Variants in BRF1 observed in about 807,000 individuals in gnomAD.
BRF1 encodes the protein transcription factor IIIB 90 kDa subunit.
BRF1 carries 59 observed loss-of-function variants against 81.7 expected under a neutral mutation model. The ratio of observed to expected loss-of-function variants is 0.72; its 90% CI spans 0.59 to 0.90. The LOEUF is 0.90. Among genes scored for constraint, BRF1 ranks in the 40% least tolerant of loss-of-function variants. The pLI is 0.00. For synonymous variants in BRF1, 491 were observed against 395.6 expected (o/e 1.24, Z -2.86); for missense variants, 1,050 against 936.3 (o/e 1.12, Z -1.58).
At chr14:105,249,659 A>C (rs2140289519) in intron 5 of BRF1, 3 of 1,612,490 alleles carry the variant, frequency 1.9e-6, no homozygotes, top group Admixed American at 3.3e-5. Flanking sequence ...CAGTGATGAG[A>C]TCGATCTGGA....
rs587749065 is a variant in BRF1, at chr14:105,226,410, T to C, written c.916-120A>G. 582 of 1,481,482 alleles carry C rather than the reference T, an allele frequency of 3.9e-4. 4 individuals are homozygous for C. In the African/African-American group the frequency reaches 7.7e-3, roughly 20 times the overall value. 91.8% of individuals were successfully genotyped at this position (1,481,482 alleles called of 1,614,324 possible). Reference sequence around the variant, plus strand: ...GCTAGAACTTAGGGGTACGCAGCGATGGAGGTGGAGCTATGGGCCTGTGTC... The same window carrying C: ...GCTAGAACTTAGGGGTACGCAGCGACGGAGGTGGAGCTATGGGCCTGTGTC... On this transcript the variant is annotated intron_variant, in intron 8 of 17. Transcript: ENST00000547530.
Position 105,226,254 on chromosome 14 carries a change from C to T in BRF1, c.952G>A (p.Glu318Lys), listed in dbSNP as rs778467508. The change falls in exon 9 of 18, where the codon GAA (glutamate) becomes AAA (lysine). Residue 318 changes from glutamate (E) to lysine (K), a missense_variant. Physicochemically the swap from Glu to Lys is moderately conservative, Grantham distance 56. Coordinates refer to ENST00000547530, the MANE Select transcript of BRF1 (RefSeq NM_001519.4). ...QVLSKKLEEVEGEISSYQDAI... is the reference protein window; with the variant it reads ...QVLSKKLEEVKGEISSYQDAI... ...CATGGGAAGATTGGTTGGTTACCTT[C>T]AACCTCCTCCAGTTTTTTTGACAGG... is the stretch of plus-strand genomic sequence containing the variant. The T allele has an allele frequency of 1.2e-6, 2 of 1,614,112 alleles. No individual in the cohort carries two copies. The highest frequency in any genetic ancestry group is 1.7e-5 in the Admixed American group (1 of 60,024).
rs192787220 is a variant in BRF1 at position 105,241,516 on chromosome 14, C to T, written c.545-102G>A. ...GTGGGGCAACCTGCACTTGTCTTTC[C>T]AGGCCCCCAGGCCCCCCACCAGTTC... is the stretch of plus-strand genomic sequence containing the variant. On this transcript the variant is annotated intron_variant, in intron 5 of 17. Transcript: ENST00000547530. 16 of 1,402,876 alleles carry T rather than the reference C, an allele frequency of 1.1e-5. No homozygotes were observed. The East Asian group carries it at 3.6e-4, about 31-fold the overall frequency. The allele number at this position is 1,402,876 out of a possible 1,614,324, so 86.9% of individuals were successfully genotyped here.
intron 1 of BRF1, among the ~76,000 whole-genome samples, chr14:105,308,458 G>A (rs2058253681): frequency 6.6e-6 from 1 of 151,906 alleles, no homozygotes. Flanking sequence ...CTCCAGCCTG[G>A]GCACGACAGA....
chr14:105,249,541 G>T lies in BRF1; in HGVS notation c.544+2966C>A, dbSNP rs2055451265. 3 of 1,598,614 alleles carry T rather than the reference G, an allele frequency of 1.9e-6. No individual in the cohort carries two copies. The Admixed American group carries it at 5.1e-5, about 27-fold the overall frequency. On this transcript the variant is annotated intron_variant, in intron 5 of 17. Transcript: ENST00000547530. ...TTTTAGGCGGCCTCCGGAGGCTTCTGAAGGGAAGCACACAGGAGCTGATGG... is the reference window on the plus strand; with the variant it reads ...TTTTAGGCGGCCTCCGGAGGCTTCTTAAGGGAAGCACACAGGAGCTGATGG...
At chr14:105,241,506 C>T (rs1470549566) in intron 5 of BRF1, 92 bp from the exon 6 acceptor site, 1 of 1,530,824 alleles carries the variant, frequency 6.5e-7, no homozygotes, top group Non-Finnish European at 8.8e-7. Flanking sequence ...GCAACCTGCA[C>T]TTGTCTTTCC....
intron 1 of BRF1, among the ~76,000 whole-genome samples, chr14:105,290,608 G>A (rs1453203428): frequency 1.3e-5 from 2 of 152,044 alleles, no homozygotes; most frequent in African/African-American, 2.4e-5. Flanking sequence ...TGTGTTTTAC[G>A]CAATCTCTTC....
chr14:105,312,160 G>C (rs374274615), intron 1 of BRF1, among the ~76,000 whole-genome samples: 1 of 152,202 alleles, frequency 6.6e-6, no homozygotes. Context: ...TGGTCCTGGC[G>C]CCCGACTGGA....
intron 2 of BRF1, among the ~76,000 whole-genome samples, chr14:105,285,290 A>G (rs2057274439): frequency 6.6e-6 from 1 of 152,268 alleles, no homozygotes; most frequent in African/African-American, 2.4e-5. Flanking sequence ...TGTCCTGAAC[A>G]GCGTGGAACG....
chr14:105,270,163 T>A (rs1348574437), intron 3 of BRF1, among the ~76,000 whole-genome samples: 1 of 139,008 alleles, frequency 7.2e-6, no homozygotes, highest in Admixed American at 7.9e-5. Flanking sequence ...AATTTCAAAA[T>A]GTTGAAAGGA....
chr14:105,296,647 C>A, intron 1 of BRF1, among the ~76,000 whole-genome samples: 1 of 149,756 alleles, frequency 6.7e-6, no homozygotes, highest in South Asian at 2.1e-4. Flanking sequence ...TGCCACTGCA[C>A]TCCAGCCTGG....
rs1256550970 is a variant in BRF1, at chr14:105,284,580, G to A, written c.265+1716C>T. Reference sequence around the variant, plus strand: ...ATCCACACTAAGGCTGCAGGACATGGCTGCACCGATCACAAGAATCCCTCA... The same window carrying A: ...ATCCACACTAAGGCTGCAGGACATGACTGCACCGATCACAAGAATCCCTCA... On this transcript the variant is annotated intron_variant, in intron 2 of 17. Transcript: ENST00000547530. This position sits in a 1 kb window ranked among gnomAD's most constrained non-coding sequence, Gnocchi z 4.0. 6.6e-6 allele frequency among the ~76,000 whole-genome samples: 1 copy of A among 152,160 alleles called. No homozygotes were observed. Among genetic ancestry groups the A allele is most frequent in the African/African-American group, 2.4e-5 (1 of 41,434 alleles).
chr14:105,249,198 A>G, intron 5 of BRF1: 2 of 1,589,054 alleles, frequency 1.3e-6, no homozygotes, highest in Non-Finnish European at 8.5e-7. Context: ...GCCGACGTGC[A>G]CTTCGTCGTG....
intron 5 of BRF1, chr14:105,247,886 G>C (rs1011435122): frequency 3.0e-6 from 3 of 985,502 alleles, no homozygotes; most frequent in Non-Finnish European, 3.6e-6. Flanking sequence ...CCCATGCCAC[G>C]CACCTCCCAG....
intron 1 of BRF1, among the ~76,000 whole-genome samples, chr14:105,294,833 A>G (rs1444581402): frequency 6.6e-6 from 1 of 152,226 alleles, no homozygotes; most frequent in African/African-American, 2.4e-5. Flanking sequence ...TTCAACAACT[A>G]GGTCAAGTGG....
chr14:105,226,503 T>A (rs774185906), intron 8 of BRF1, 131 bp downstream of exon 8: 49 of 1,519,466 alleles, frequency 3.2e-5, no homozygotes, highest in Non-Finnish European at 4.1e-5. Flanking sequence ...GGGCTCTGGC[T>A]GGTCATAGCA....
At chr14:105,219,403 G>A in intron 12 of BRF1, 171 bp from the exon 13 acceptor site, 1 of 1,398,514 alleles carries the variant, frequency 7.2e-7, no homozygotes, top group South Asian at 1.4e-5. Context: ...GGCGAGTTGG[G>A]GACCTGTTGC....
At chr14:105,256,384 C>T (rs2055868267) in intron 4 of BRF1, 134 bp downstream of exon 4, 2 of 1,598,382 alleles carry the variant, frequency 1.3e-6, no homozygotes, top group East Asian at 4.6e-5. Flanking sequence ...CCAAAACTTC[C>T]TGACTGGGCA....
chr14:105,303,014 C>T (rs2058085224), upstream of BRF1, among the ~76,000 whole-genome samples: 1 of 151,814 alleles, frequency 6.6e-6, no homozygotes, highest in Non-Finnish European at 1.5e-5. Flanking sequence ...CTGCAACTTC[C>T]ACCTCCCAGG....
Sources: allele counts gnomAD v4.1 joint callset (sites outside exome capture counted in the v4.1 genomes callset), GRCh38; gene constraint gnomAD v4.1.1; non-coding constraint Gnocchi (gnomAD v3.1); transcripts MANE v1.5; gene names NCBI Gene and HGNC (gene_info 2026-07-23, HGNC 2026-07-21).